Variants in RAPGEF2 observed in about 807,000 individuals in gnomAD.
RAPGEF2 encodes the protein Rap guanine nucleotide exchange factor 2.
Under a neutral mutation model 186.7 loss-of-function variants are expected in RAPGEF2, and 54 were observed. That is an observed-to-expected ratio of 0.29 (90% confidence interval 0.23 to 0.36). RAPGEF2 has a LOEUF of 0.36. RAPGEF2 is among the 10% of genes least tolerant of loss of function. RAPGEF2 has a pLI of 1.00. For missense variants in RAPGEF2, 1,532 were observed against 2,045.0 expected (o/e 0.75, Z 4.84); for synonymous variants, 712 against 705.9 (o/e 1.01, Z -0.14).
In RAPGEF2 at chr4:159,344,045, A is replaced by G; in HGVS notation, c.3264A>G (p.Lys1088=). 6.5e-7 allele frequency: 1 copy of G among 1,535,824 alleles called. No individual in the cohort carries two copies. Among genetic ancestry groups the G allele is most frequent in the Non-Finnish European group, 9.0e-7 (1 of 1,108,846 alleles). Residue 1088 remains lysine, a synonymous_variant, in exon 23 of 30, where the codon AAA becomes AAG. Transcript: ENST00000691494. ...PALMFRTRKK[K]WRSLGSLSQG... The stretch of plus-strand genomic sequence containing the variant: ...TGGCTCTCACTTACAGGAAGAAGAA[A>G]TGGCGGAGTTTGGGGTAAGTGGTGG...
intron 17 of RAPGEF2, among the ~76,000 whole-genome samples, chr4:159,333,882 T>C (rs928105834): frequency 5.0e-4 from 76 of 152,356 alleles, no homozygotes; most frequent in Non-Finnish European, 1.5e-4. Flanking sequence ...AACACTTCTT[T>C]TTCTTTTTTA....
intron 4 of RAPGEF2, among the ~76,000 whole-genome samples, chr4:159,237,897 A>G (rs184650749): frequency 6.9e-6 from 1 of 144,332 alleles, no homozygotes; most frequent in East Asian, 2.1e-4. Context: ...ACGCACCTGT[A>G]GTCCCAGCTA....
intron 3 of RAPGEF2, among the ~76,000 whole-genome samples, chr4:159,196,810 G>T (rs934683315): frequency 1.3e-5 from 2 of 152,208 alleles, no homozygotes; most frequent in African/African-American, 4.8e-5. Context: ...AGCTCTGATG[G>T]TGTTATTGTT....
intron 1 of RAPGEF2, among the ~76,000 whole-genome samples, chr4:159,177,445 A>C (rs1034195248): frequency 3.3e-5 from 5 of 152,176 alleles, no homozygotes; most frequent in Non-Finnish European, 7.4e-5. Context: ...CACACAGCCT[A>C]GTTGCATAGA....
chr4:159,108,633 T>A (rs1217099712), intron 1 of RAPGEF2, among the ~76,000 whole-genome samples: 3 of 152,118 alleles, frequency 2.0e-5, no homozygotes, highest in Non-Finnish European at 4.4e-5. Context: ...AAAACTTATT[T>A]GGGTAGATTT....
intron 28 of RAPGEF2, among the ~76,000 whole-genome samples, chr4:159,354,255 C>A (rs1385118108): frequency 6.6e-6 from 1 of 152,114 alleles, no homozygotes; most frequent in African/African-American, 2.4e-5. Flanking sequence ...AGATCTGTTC[C>A]TATATAACAA....
chr4:159,224,882 G>A (rs1751870778), intron 4 of RAPGEF2, among the ~76,000 whole-genome samples: 1 of 152,178 alleles, frequency 6.6e-6, no homozygotes, highest in Non-Finnish European at 1.5e-5. Context: ...GTGGAATTTA[G>A]TGACTGAAGG....
chr4:159,321,931 C>T (rs1442062542), intron 9 of RAPGEF2, among the ~76,000 whole-genome samples: 1 of 151,846 alleles, frequency 6.6e-6, no homozygotes, highest in Non-Finnish European at 1.5e-5. Context: ...ATAGTTATTT[C>T]TGCTGACTAT....
In RAPGEF2 at chr4:159,269,676, T is replaced by G. The variant is rs545110100; in HGVS notation, c.543+25885T>G. ...CTTAAAGTGTGTGTATGTTTGTGTG[T>G]GGGGGTGTTTAAATGAATAATAATA... On this transcript the variant is annotated intron_variant, in intron 7 of 29. Transcript: ENST00000691494. Among the ~76,000 whole-genome samples, 9 of 152,236 alleles carry G rather than the reference T, an allele frequency of 5.9e-5. No homozygotes were observed. In the East Asian group the frequency reaches 1.2e-3, roughly 20 times the overall value.
intron 9 of RAPGEF2, among the ~76,000 whole-genome samples, chr4:159,318,043 T>A (rs1764804903): frequency 6.8e-6 from 1 of 147,838 alleles, no homozygotes; most frequent in African/African-American, 2.6e-5. Flanking sequence ...TACAAATAAA[T>A]AAAAAGCCAT....
intron 1 of RAPGEF2, among the ~76,000 whole-genome samples, chr4:159,176,990 G>C (rs983354619): frequency 6.6e-6 from 1 of 152,246 alleles, no homozygotes; most frequent in Non-Finnish European, 1.5e-5. Flanking sequence ...CTTTCTTGGA[G>C]GAAAAATTAA....
At chr4:159,120,313 C>T (rs1220646270) in intron 1 of RAPGEF2, among the ~76,000 whole-genome samples, 1 of 143,890 alleles carries the variant, frequency 6.9e-6, no homozygotes, top group Non-Finnish European at 1.5e-5. Flanking sequence ...AGCCATTGCA[C>T]CCAGCCAAAT....
At chr4:159,186,479 AC>A (rs1747569015) in intron 1 of RAPGEF2, among the ~76,000 whole-genome samples, 162 bp from the exon 2 acceptor site, 1 of 152,226 alleles carries the variant, frequency 6.6e-6, no homozygotes, top group East Asian at 1.9e-4. Flanking sequence ...TGACATTTGT[AC>A]AACTGAGCTT....
chr4:159,357,806 ATTT>A (rs1186533141), intron 29 of RAPGEF2, among the ~76,000 whole-genome samples: 1 of 152,042 alleles, frequency 6.6e-6, no homozygotes, highest in African/African-American at 2.4e-5. Context: ...CTGATCGTAT[ATTT>A]TTTTTAAATG....
chr4:159,293,843 A>T (rs774350947), intron 7 of RAPGEF2, among the ~76,000 whole-genome samples: 1 of 152,182 alleles, frequency 6.6e-6, no homozygotes, highest in Non-Finnish European at 1.5e-5. Flanking sequence ...TTTTCTTCCA[A>T]CAGAGACTCT....
chr4:159,341,757 A>C lies in RAPGEF2; in HGVS notation c.2728A>C (p.Arg910=). ...ATATATAGATGATTTATTTAAACTC[A>C]GATCAAAAACCAGCTGTGCCAACCT... is the stretch of plus-strand genomic sequence containing the variant. ...TEYIDDLFKL[R]SKTSCANLKR... The change falls in exon 20 of 30, where the codon AGA becomes CGA. Residue 910 remains arginine (R), a synonymous_variant. Coordinates refer to ENST00000691494, the MANE Select transcript of RAPGEF2 (RefSeq NM_001394067.2). 1 of 1,614,010 alleles carries C rather than the reference A, an allele frequency of 6.2e-7. No homozygotes were observed. Among genetic ancestry groups the C allele is most frequent in the East Asian group, 2.2e-5 (1 of 44,874 alleles).
chr4:159,118,516 T>G lies in RAPGEF2; in HGVS notation c.69+14285T>G, dbSNP rs1739304678. 4.0e-5 allele frequency among the ~76,000 whole-genome samples: 6 copies of G among 151,342 alleles called. No individual in the cohort carries two copies. The South Asian group carries it at 1.2e-3, about 31-fold the overall frequency. On this transcript the variant is annotated intron_variant, in intron 1 of 29. Transcript: ENST00000691494. ...CCCGCCCAACCCTGTGGAAAAAGGT[T>G]GTCTTCCATGAAACTGGTCCCTGGT... is the stretch of plus-strand genomic sequence containing the variant.
intron 26 of RAPGEF2, chr4:159,351,274 T>C: frequency 7.5e-7 from 1 of 1,324,744 alleles, no homozygotes; most frequent in Non-Finnish European, 1.0e-6. Flanking sequence ...TGTCAAGTGC[T>C]CCATCTGAGT....
At chr4:159,157,542 AT>A (rs1744260589) in intron 1 of RAPGEF2, among the ~76,000 whole-genome samples, 1 of 152,206 alleles carries the variant, frequency 6.6e-6, no homozygotes, top group Non-Finnish European at 1.5e-5. Flanking sequence ...TTAACTGACT[AT>A]GTCTGTTAGC....
Sources: gnomAD v4.1 joint callset for allele counts (sites outside exome capture counted in the v4.1 genomes callset) on GRCh38, gnomAD v4.1.1 for gene constraint, MANE v1.5 for transcripts, NCBI Gene and HGNC (gene_info 2026-07-23, HGNC 2026-07-21) for gene names.